The following IFT74 variants were observed in gnomAD, a reference collection of about 807,000 sequenced individuals.
IFT74 encodes intraflagellar transport 74, also known as intraflagellar transport protein 74 homolog.
A neutral mutation model predicts 96.7 loss-of-function variants in IFT74; 92 were observed. The observed-to-expected ratio is 0.95, with a 90% CI of 0.80 to 1.13. The LOEUF is 1.13. IFT74 is among the 50% of genes most tolerant of loss of function. The pLI is 0.00. For missense variants in IFT74, 811 were observed against 698.2 expected (o/e 1.16, Z -1.82); for synonymous variants, 223 against 213.2 (o/e 1.05, Z -0.40).
intron 12 of IFT74, among the ~76,000 whole-genome samples, chr9:27,026,398 C>T (rs1829860218): frequency 6.6e-6 from 1 of 152,134 alleles, no homozygotes; most frequent in Admixed American, 6.5e-5. Flanking sequence ...GACTTCAATA[C>T]TCCATTGACA....
chr9:27,052,361 T>C (rs1432772072), intron 16 of IFT74, among the ~76,000 whole-genome samples: 1 of 151,852 alleles, frequency 6.6e-6, no homozygotes, highest in African/African-American at 2.4e-5. Flanking sequence ...AATACAAAAT[T>C]AGCCTGTGTG....
intron 8 of IFT74, among the ~76,000 whole-genome samples, chr9:27,007,158 C>A (rs760332287): frequency 3.3e-5 from 5 of 152,028 alleles, no homozygotes; most frequent in Non-Finnish European, 7.4e-5. Flanking sequence ...TTTTATGACA[C>A]CATCATCAGT....
intron 12 of IFT74, among the ~76,000 whole-genome samples, chr9:27,028,559 C>T (rs1317167358): frequency 6.6e-6 from 1 of 151,840 alleles, no homozygotes; most frequent in African/African-American, 2.4e-5. Flanking sequence ...AGATCGAGAC[C>T]ATCATGGCCA....
Position 27,016,100 on chromosome 9 carries a change from AC to A in IFT74, c.790-806del, listed in dbSNP as rs948068078. ...ACAAACTGGGTGGCTTAAAAGAAACACAAATTTTCTCACAGTTCCAGAGCCT... is the reference window on the plus strand; with the variant it reads ...ACAAACTGGGTGGCTTAAAAGAAACAAAATTTTCTCACAGTTCCAGAGCCT... On this transcript the variant is annotated intron_variant, in intron 10 of 19. Transcript: ENST00000380062. Among the ~76,000 whole-genome samples the A allele has an allele frequency of 3.9e-4, 59 of 152,194 alleles. 1 individual carries two copies. Among genetic ancestry groups the A allele is most frequent in the Admixed American group, 3.8e-3 (58 of 15,274 alleles).
rs141702599 is a variant in IFT74, at chr9:27,032,532, A to G, written c.1054+3428A>G. Among the ~76,000 whole-genome samples the G allele has an allele frequency of 6.5e-3, 987 of 152,208 alleles. 2 individuals are homozygous for G. The highest frequency in any genetic ancestry group is 0.012 in the Non-Finnish European group (786 of 68,014). ...TCCTCATGCTTTCATTAACTGGGCA[A>G]TTAGCCTCAGCTTATAGGAGGTCAT... On this transcript the variant is annotated intron_variant, in intron 13 of 19. Transcript: ENST00000380062.
intron 12 of IFT74, among the ~76,000 whole-genome samples, chr9:27,025,850 A>G (rs1829841317): frequency 6.6e-6 from 1 of 152,226 alleles, no homozygotes; most frequent in Non-Finnish European, 1.5e-5. Flanking sequence ...ATCTTGAAAC[A>G]AAACCTCAAA....
chr9:26,949,212 T>A (rs1428767738), intron 1 of IFT74, among the ~76,000 whole-genome samples: 3 of 152,230 alleles, frequency 2.0e-5, no homozygotes, highest in Non-Finnish European at 4.4e-5. Context: ...TGGTATAGTA[T>A]TCAGTTTACC....
At chr9:27,061,313 C>T (rs1202847860) in intron 19 of IFT74, among the ~76,000 whole-genome samples, 2 of 152,206 alleles carry the variant, frequency 1.3e-5, no homozygotes, top group Non-Finnish European at 2.9e-5. Context: ...AACTCTACTG[C>T]TTGTAAGTTA....
chr9:26,952,958 T>G (rs761813029), upstream of IFT74, among the ~76,000 whole-genome samples: 2 of 152,198 alleles, frequency 1.3e-5, no homozygotes, highest in Non-Finnish European at 2.9e-5. Context: ...TGATTAAAGT[T>G]AAAGGCTTAT....
intron 14 of IFT74, 152 bp downstream of exon 14, chr9:27,044,947 A>G: frequency 1.8e-6 from 1 of 541,854 alleles, no homozygotes; most frequent in Non-Finnish European, 3.3e-6. Context: ...AATAGTTTCT[A>G]GCATAATTTA....
chr9:26,970,105 T>A (rs1826819016), intron 2 of IFT74, among the ~76,000 whole-genome samples: 1 of 152,170 alleles, frequency 6.6e-6, no homozygotes, highest in South Asian at 2.1e-4. Context: ...GATACTTTTC[T>A]CTTATTAATT....
intron 12 of IFT74, among the ~76,000 whole-genome samples, chr9:27,026,127 T>C (rs1219976624): frequency 6.6e-6 from 1 of 152,102 alleles, no homozygotes; most frequent in East Asian, 1.9e-4. Flanking sequence ...AAACTTAAGG[T>C]AAAAGGGTGG....
At chr9:27,055,898 A>C (rs1394149067) in intron 17 of IFT74, 126 bp downstream of exon 17, 2 of 613,798 alleles carry the variant, frequency 3.3e-6, no homozygotes, top group Non-Finnish European at 2.5e-6. Flanking sequence ...TAAGTGAGAA[A>C]AAATAAAAAT....
In IFT74 at chr9:27,018,681, A is replaced by G. The variant is rs202139740; in HGVS notation, c.968A>G (p.Glu323Gly). ...KDDNQEIASM[E>G]RQLTDTKEKI... The stretch of plus-strand genomic sequence containing the variant: ...GATAATCAGGAAATAGCCAGCATGG[A>G]AAGACAGTAAGTATCTTTATACTAG... Residue 323 changes from glutamate (E) to glycine (G), a missense_variant, in exon 12 of 20, where the codon GAA becomes GGA. Transcript: ENST00000380062. 159 of 1,535,640 alleles carry G rather than the reference A, an allele frequency of 1.0e-4. No individual in the cohort carries two copies. Among genetic ancestry groups the G allele is most frequent in the Non-Finnish European group, 1.3e-4 (143 of 1,120,076 alleles).
intron 2 of IFT74, among the ~76,000 whole-genome samples, chr9:26,970,998 C>T (rs939131862): frequency 3.3e-5 from 5 of 152,190 alleles, no homozygotes; most frequent in African/African-American, 9.6e-5. Context: ...ATGTCTAGCA[C>T]CTGTGCTAAC....
At chr9:26,976,029 CT>C (rs1827105803) in intron 2 of IFT74, among the ~76,000 whole-genome samples, 1 of 152,196 alleles carries the variant, frequency 6.6e-6, no homozygotes, top group Non-Finnish European at 1.5e-5. Flanking sequence ...CTAGGAAATA[CT>C]TTGTTGTTCT....
rs1407771870 is a variant in IFT74 at position 27,062,604 on chromosome 9, A to C, written c.1685-14A>C. ...TTTATTGACATTGTTTTCCCCCTTA[A>C]CTCATGTAATTAGTCATAGCAACCA... is the stretch of plus-strand genomic sequence containing the variant. On this transcript the variant is annotated splice_polypyrimidine_tract_variant and intron_variant, in intron 19 of 19. Transcript: ENST00000380062. 7.3e-7 allele frequency: 1 copy of C among 1,371,022 alleles called. No individual in the cohort carries two copies. The highest frequency in any genetic ancestry group is 1.0e-6 in the Non-Finnish European group (1 of 969,014). 84.9% of individuals were successfully genotyped at this position (1,371,022 alleles called of 1,614,324 possible). A position where few individuals can be genotyped will look rare whatever the true frequency, so the allele number is the denominator to read the frequency against.
rs1314600152 is a variant in IFT74, at chr9:26,984,544, A to G, written c.450A>G (p.Leu150=). The change falls in exon 6 of 20, where the codon CTA becomes CTG. Residue 150 remains leucine, a synonymous_variant. Transcript: ENST00000380062. The stretch of plus-strand genomic sequence containing the variant: ...AGATAAAAGAGCTTCAAGGACAACT[A>G]GCAGACTACAACATGGTATTTTATC... The part of the protein sequence containing the change: ...AVEIKELQGQ[L]ADYNMLVDKL... The G allele has an allele frequency of 6.2e-7, 1 of 1,611,248 alleles. No homozygotes were observed. Among genetic ancestry groups the G allele is most frequent in the East Asian group, 2.2e-5 (1 of 44,742 alleles).
intron 19 of IFT74, among the ~76,000 whole-genome samples, chr9:27,061,794 G>T (rs967441406): frequency 2.0e-5 from 3 of 151,724 alleles, no homozygotes; most frequent in African/African-American, 7.3e-5. Context: ...ATCCTGAGAA[G>T]TTTGACTTCC....
Sources: gnomAD v4.1 joint callset for allele counts (sites outside exome capture counted in the v4.1 genomes callset) on GRCh38, gnomAD v4.1.1 for gene constraint, MANE v1.5 for transcripts, NCBI Gene and HGNC (gene_info 2026-07-23, HGNC 2026-07-21) for gene names.